The following CSMD1 variants were observed in gnomAD, a reference collection of about 807,000 sequenced individuals.
CSMD1 encodes CUB and sushi domain-containing protein 1.
CSMD1 carries 213 observed loss-of-function variants against 417.5 expected under a neutral mutation model. The ratio of observed to expected loss-of-function variants is 0.51; its 90% CI spans 0.46 to 0.57. The LOEUF (loss-of-function observed/expected upper bound fraction) is 0.57, where lower values mean the gene tolerates loss of function less well. CSMD1 is among the 20% of genes least tolerant of loss of function. The pLI, the probability that CSMD1 is intolerant of heterozygous loss-of-function variation, is 0.00. For synonymous variants in CSMD1, 2,862 were observed against 1,736.8 expected, an observed-to-expected ratio of 1.65 and a Z score of -16.11; for missense variants, 6,923 against 4,529.7, an observed-to-expected ratio of 1.53 and a Z score of -15.17.
chr8:3,476,653 A>ACTC (rs1452645066), intron 11 of CSMD1, among the ~76,000 whole-genome samples: 1 of 152,008 alleles, frequency 6.6e-6, no homozygotes, highest in Non-Finnish European at 1.5e-5. Context: ...TTGGTGGCTT[A>ACTC]CTCCTGTAAT....
intron 3 of CSMD1, among the ~76,000 whole-genome samples, chr8:4,119,157 A>G (rs370471510): frequency 6.6e-6 from 1 of 152,116 alleles, no homozygotes; most frequent in Non-Finnish European, 1.5e-5. Context: ...CTTAAAACCT[A>G]GATGATGGTT....
chr8:4,185,559 C>T (rs1798620245), intron 3 of CSMD1, among the ~76,000 whole-genome samples: 1 of 152,046 alleles, frequency 6.6e-6, no homozygotes, highest in Non-Finnish European at 1.5e-5. Flanking sequence ...TTTTTTAACA[C>T]ACAAATGGAT....
At chr8:4,457,128 G>T (rs1019751730) in intron 2 of CSMD1, among the ~76,000 whole-genome samples, 3 of 152,086 alleles carry the variant, frequency 2.0e-5, no homozygotes, top group Non-Finnish European at 2.9e-5. Context: ...CTGTGAAAGA[G>T]TTATTCCTAT....
At chr8:3,485,172 G>A (rs916400584) in intron 11 of CSMD1, among the ~76,000 whole-genome samples, 2 of 152,324 alleles carry the variant, frequency 1.3e-5, no homozygotes, top group Admixed American at 6.5e-5. Context: ...GTGTCCATCT[G>A]TGGGTGAATA....
intron 2 of CSMD1, among the ~76,000 whole-genome samples, chr8:4,468,801 T>C (rs1428513635): frequency 6.6e-6 from 1 of 152,202 alleles, no homozygotes; most frequent in Non-Finnish European, 1.5e-5. Flanking sequence ...TAATGGATAA[T>C]CAATAATTAT....
chr8:3,726,426 T>C (rs191573342), intron 6 of CSMD1, among the ~76,000 whole-genome samples: 8 of 152,308 alleles, frequency 5.3e-5, no homozygotes, highest in Non-Finnish European at 8.8e-5. Context: ...TGGAATGAGA[T>C]TGGTGACAAG....
intron 4 of CSMD1, among the ~76,000 whole-genome samples, chr8:4,023,732 G>T (rs756332481): frequency 2.1e-5 from 3 of 143,714 alleles, no homozygotes; most frequent in African/African-American, 7.8e-5. Context: ...GACTACAAGC[G>T]CCCACCGCTA....
intron 5 of CSMD1, among the ~76,000 whole-genome samples, chr8:3,886,089 C>T (rs190807090): frequency 1.5e-3 from 226 of 152,050 alleles, no homozygotes; most frequent in African/African-American, 5.1e-3. Context: ...CTTGCTCTGT[C>T]GCCTATGCTG....
intron 8 of CSMD1, among the ~76,000 whole-genome samples, chr8:3,608,788 C>G (rs540135169): frequency 1.2e-4 from 18 of 151,162 alleles, no homozygotes; most frequent in African/African-American, 3.9e-4. Context: ...ATCATAACGT[C>G]CAGCAGTGTG....
intron 1 of CSMD1, among the ~76,000 whole-genome samples, chr8:4,761,751 T>C (rs1812083349): frequency 6.6e-6 from 1 of 152,144 alleles, no homozygotes; most frequent in South Asian, 2.1e-4. Context: ...TATATTTAAC[T>C]ACTGAGCATG....
intron 3 of CSMD1, among the ~76,000 whole-genome samples, chr8:4,196,669 G>T (rs1038518040): frequency 6.6e-6 from 1 of 152,112 alleles, no homozygotes; most frequent in Non-Finnish European, 1.5e-5. Context: ...CCATTCTTCT[G>T]CCTCTTTCTA....
At chr8:4,005,699 T>C (rs192985023) in intron 4 of CSMD1, among the ~76,000 whole-genome samples, 2 of 152,342 alleles carry the variant, frequency 1.3e-5, no homozygotes, top group Non-Finnish European at 2.9e-5. Context: ...AGAAGAACTT[T>C]CAAGACTCCC....
intron 3 of CSMD1, among the ~76,000 whole-genome samples, chr8:4,279,748 A>G (rs1796677344): frequency 6.6e-6 from 1 of 152,222 alleles, no homozygotes; most frequent in African/African-American, 2.4e-5. Context: ...TTTCTAATGA[A>G]GAAAAAAAAT....
intron 2 of CSMD1, among the ~76,000 whole-genome samples, chr8:4,482,699 T>G (rs1446748111): frequency 6.6e-6 from 1 of 152,214 alleles, no homozygotes; most frequent in Non-Finnish European, 1.5e-5. Context: ...TGAAATAATT[T>G]ACACTCCCAC....
chr8:4,052,948 G>A (rs1235752863), intron 3 of CSMD1, among the ~76,000 whole-genome samples: 1 of 152,134 alleles, frequency 6.6e-6, no homozygotes, highest in Non-Finnish European at 1.5e-5. Context: ...GAGGGTCTGA[G>A]AGGTATAAAT....
chr8:4,227,610 C>A (rs1443771506), intron 3 of CSMD1, among the ~76,000 whole-genome samples: 1 of 152,054 alleles, frequency 6.6e-6, no homozygotes. Flanking sequence ...ATTCCCTGCA[C>A]ATTCAGTCAG....
chr8:3,934,091 G>A lies in CSMD1; in HGVS notation c.818+63812C>T, dbSNP rs1584991840. ...ACCATGGCCACTATTTCTTTTCTAAGGAATGTTTTTGAAAACTAAAATTAA... is the reference window on the plus strand; with the variant it reads ...ACCATGGCCACTATTTCTTTTCTAAAGAATGTTTTTGAAAACTAAAATTAA... On this transcript the variant is annotated intron_variant, in intron 5 of 69. Coordinates refer to ENST00000635120, the MANE Select transcript of CSMD1 (RefSeq NM_033225.6). 2.6e-5 allele frequency among the ~76,000 whole-genome samples: 4 copies of A among 152,012 alleles called. No homozygotes were observed. In the South Asian group the frequency reaches 6.2e-4, roughly 24 times the overall value.
At chr8:3,254,930 G>C (rs1268814859) in intron 26 of CSMD1, among the ~76,000 whole-genome samples, 1 of 152,136 alleles carries the variant, frequency 6.6e-6, no homozygotes, top group Non-Finnish European at 1.5e-5. Flanking sequence ...GATTTCCTTT[G>C]GAGGAGGAGA....
intron 3 of CSMD1, among the ~76,000 whole-genome samples, chr8:4,346,097 G>C (rs926651381): frequency 3.3e-5 from 5 of 152,090 alleles, no homozygotes; most frequent in African/African-American, 9.7e-5. Flanking sequence ...ACTACAACTA[G>C]AAATCTTCAG....
Sources: allele counts gnomAD v4.1 joint callset (sites outside exome capture counted in the v4.1 genomes callset), GRCh38; gene constraint gnomAD v4.1.1; transcripts MANE v1.5; gene names NCBI Gene and HGNC (gene_info 2026-07-23, HGNC 2026-07-21).